The following PIK3C2G variants were observed in gnomAD, a reference collection of about 807,000 sequenced individuals.
PIK3C2G encodes phosphatidylinositol 3-kinase C2 domain-containing subunit gamma.
In PIK3C2G, 168 loss-of-function variants were observed where a neutral mutation model predicts 181.1. The observed-to-expected ratio is 0.93, with a 90% CI of 0.82 to 1.05. The LOEUF (loss-of-function observed/expected upper bound fraction) is 1.05, where lower values mean the gene tolerates loss of function less well. Among genes scored for constraint, PIK3C2G ranks in the 50% least tolerant of loss-of-function variants. PIK3C2G has a pLI of 0.00. For missense variants in PIK3C2G, 1,869 were observed against 1,732.8 expected, an observed-to-expected ratio of 1.08 and a Z score of -1.40; for synonymous variants, 573 against 592.2, an observed-to-expected ratio of 0.97 and a Z score of 0.47.
chr12:18,688,215 T>A, the PIK3C2G span: 3 of 1,607,294 alleles, frequency 1.9e-6, no homozygotes, highest in Admixed American at 3.3e-5. Context: ...ATACCACTGA[T>A]GAGCTGCACA....
At chr12:18,497,519 G>C in intron 21 of PIK3C2G, 100 bp from the exon 22 acceptor site, 1 of 865,726 alleles carries the variant, frequency 1.2e-6, no homozygotes. Context: ...AGTCAGGCTA[G>C]AAATGTATCC....
intron 24 of PIK3C2G, among the ~76,000 whole-genome samples, chr12:18,525,628 T>TAAATA (rs1222692943): frequency 6.6e-6 from 1 of 152,152 alleles, no homozygotes; most frequent in Non-Finnish European, 1.5e-5. Context: ...TCTTCTCAAT[T>TAAATA]CTGTATTTAA....
At chr12:18,579,558 T>C (rs1316887467) in intron 29 of PIK3C2G, among the ~76,000 whole-genome samples, 2 of 152,120 alleles carry the variant, frequency 1.3e-5, no homozygotes. Context: ...TGTCTCTCTC[T>C]CTCTCTCTCC....
At chr12:18,509,908 A>G (rs1487532548) in intron 24 of PIK3C2G, among the ~76,000 whole-genome samples, 1 of 152,190 alleles carries the variant, frequency 6.6e-6, no homozygotes, top group Admixed American at 6.5e-5. Flanking sequence ...TAATGGAAAC[A>G]ATAAGGAATT....
chr12:18,695,903 C>T, the PIK3C2G span, among the ~76,000 whole-genome samples: 1 of 151,954 alleles, frequency 6.6e-6, no homozygotes, highest in Non-Finnish European at 1.5e-5. Context: ...CTACACATGT[C>T]TCATATTAAC....
chr12:18,311,644 G>A (rs1208836759), intron 5 of PIK3C2G, among the ~76,000 whole-genome samples: 1 of 151,782 alleles, frequency 6.6e-6, no homozygotes, highest in African/African-American at 2.4e-5. Context: ...GTGTAAATAT[G>A]TATCAAATAC....
At chr12:18,260,796 T>C (rs1020446789), upstream of PIK3C2G, among the ~76,000 whole-genome samples, 7 of 152,118 alleles carry the variant, frequency 4.6e-5, no homozygotes, top group Admixed American at 2.0e-4. Flanking sequence ...GGCCTACTTC[T>C]GGCAGATCCT....
At chr12:18,602,526 A>G (rs1474575178) in intron 30 of PIK3C2G, among the ~76,000 whole-genome samples, 1 of 151,776 alleles carries the variant, frequency 6.6e-6, no homozygotes, top group Non-Finnish European at 1.5e-5. Context: ...CCACATTACT[A>G]CAGCTGATGC....
the PIK3C2G span, among the ~76,000 whole-genome samples, chr12:18,663,913 A>C: frequency 6.6e-6 from 1 of 152,286 alleles, no homozygotes; most frequent in East Asian, 1.9e-4. Flanking sequence ...ATAGCCAAAC[A>C]ACCTGGTTTA....
At chr12:18,441,917 T>C (rs1266040256) in intron 18 of PIK3C2G, among the ~76,000 whole-genome samples, 1 of 152,208 alleles carries the variant, frequency 6.6e-6, no homozygotes, top group Non-Finnish European at 1.5e-5. Flanking sequence ...CTTTGTTTTC[T>C]TTTAATTTCC....
intron 11 of PIK3C2G, among the ~76,000 whole-genome samples, chr12:18,349,756 T>G (rs944282595): frequency 6.6e-6 from 1 of 152,198 alleles, no homozygotes; most frequent in African/African-American, 2.4e-5. Flanking sequence ...ATCTTAATAA[T>G]AGCATATTGT....
chr12:18,293,880 A>G (rs2137225318), intron 4 of PIK3C2G, 21 bp from the exon 5 acceptor site: 1 of 1,190,212 alleles, frequency 8.4e-7, no homozygotes, highest in South Asian at 1.2e-5. Context: ...ATTGACTTTT[A>G]TTATTCCTCT....
intron 17 of PIK3C2G, among the ~76,000 whole-genome samples, chr12:18,422,646 G>T (rs933883410): frequency 3.7e-4 from 57 of 152,026 alleles, no homozygotes; most frequent in Admixed American, 1.8e-3. Flanking sequence ...TGGTCAGGCG[G>T]GATTTAGGGG....
chr12:18,542,191 T>A (rs1383143986), intron 25 of PIK3C2G, among the ~76,000 whole-genome samples: 1 of 151,774 alleles, frequency 6.6e-6, no homozygotes, highest in African/African-American at 2.4e-5. Context: ...AATGGATAGT[T>A]ATGGTGTGAT....
intron 31 of PIK3C2G, among the ~76,000 whole-genome samples, chr12:18,622,818 T>C (rs917586916): frequency 2.6e-5 from 4 of 151,942 alleles, no homozygotes; most frequent in African/African-American, 9.7e-5. Flanking sequence ...TGAGCATTTT[T>C]TTCATGTATC....
the PIK3C2G span, among the ~76,000 whole-genome samples, chr12:18,708,138 T>C: frequency 1.3e-5 from 2 of 152,232 alleles, no homozygotes; most frequent in Non-Finnish European, 2.9e-5. Flanking sequence ...TGTGCTACTT[T>C]GTAGCCTCTG....
At chr12:18,700,015 G>C in the PIK3C2G span, 1 of 1,380,900 alleles carries the variant, frequency 7.2e-7, no homozygotes. Flanking sequence ...ATTTTTTCTA[G>C]TAAAGAAAAT....
intron 18 of PIK3C2G, among the ~76,000 whole-genome samples, chr12:18,428,078 G>T (rs2135742251): frequency 6.6e-6 from 1 of 151,988 alleles, no homozygotes; most frequent in Admixed American, 6.5e-5. Flanking sequence ...TCTAAGGGGG[G>T]AGATTCAAAA....
intron 18 of PIK3C2G, among the ~76,000 whole-genome samples, chr12:18,424,491 A>T (rs904955358): frequency 1.3e-5 from 2 of 152,220 alleles, no homozygotes; most frequent in African/African-American, 4.8e-5. Context: ...AGAGCACTAA[A>T]CTTTTCCCAA....
Sources: allele counts gnomAD v4.1 joint callset (sites outside exome capture counted in the v4.1 genomes callset), GRCh38; gene constraint gnomAD v4.1.1; transcripts MANE v1.5; gene names NCBI Gene and HGNC (gene_info 2026-07-23, HGNC 2026-07-21).